The following TNRC6B variants were observed in gnomAD, a reference collection of about 807,000 sequenced individuals.
TNRC6B encodes trinucleotide repeat-containing gene 6B protein.
A neutral mutation model predicts 203.6 loss-of-function variants in TNRC6B; 52 were observed. That is an observed-to-expected ratio of 0.26 (90% CI 0.20 to 0.32). The LOEUF (loss-of-function observed/expected upper bound fraction) is 0.32. TNRC6B is among the 10% of genes least tolerant of loss of function. The pLI is 1.00. For synonymous variants in TNRC6B, 838 were observed against 845.7 expected, an observed-to-expected ratio of 0.99 and a Z score of 0.16; for missense variants, 1,923 against 2,286.2, an observed-to-expected ratio of 0.84 and a Z score of 3.24.
At chr22:40,185,747 T>A (rs140504784) in intron 1 of TNRC6B, among the ~76,000 whole-genome samples, 14 of 152,254 alleles carry the variant, frequency 9.2e-5, no homozygotes, top group Middle Eastern at 3.4e-3. Context: ...AATTTTGATA[T>A]GGCAGTGGTG....
chr22:40,270,477 G>A (rs541391959), intron 6 of TNRC6B, among the ~76,000 whole-genome samples, 197 bp downstream of exon 6: 15 of 151,822 alleles, frequency 9.9e-5, no homozygotes, highest in Admixed American at 1.3e-4. Flanking sequence ...CCGCCACCAC[G>A]CCCGGCTAAT....
At chr22:40,129,048 G>T (rs1304368920) in intron 3 of TNRC6B, among the ~76,000 whole-genome samples, 1 of 152,224 alleles carries the variant, frequency 6.6e-6, no homozygotes, top group African/African-American at 2.4e-5. Context: ...TCTCTGAGAC[G>T]GGGACATTTC....
intron 3 of TNRC6B, among the ~76,000 whole-genome samples, chr22:40,253,917 T>C (rs906005452): frequency 4.6e-5 from 7 of 152,236 alleles, no homozygotes; most frequent in Non-Finnish European, 1.0e-4. Context: ...ACTCTGAATC[T>C]ACCCATCTTT....
upstream of TNRC6B, among the ~76,000 whole-genome samples, chr22:40,176,277 T>G (rs1248470486): frequency 2.0e-5 from 3 of 151,998 alleles, no homozygotes; most frequent in African/African-American, 7.3e-5. Context: ...TACAGGCATG[T>G]GCCACCACGC....
chr22:40,305,168 T>G (rs1488491471), intron 15 of TNRC6B, among the ~76,000 whole-genome samples: 1 of 152,146 alleles, frequency 6.6e-6, no homozygotes, highest in Non-Finnish European at 1.5e-5. Flanking sequence ...CAAAGACGCA[T>G]GAGGCAGGCA....
chr22:40,230,394 A>G (rs894004506), intron 1 of TNRC6B, among the ~76,000 whole-genome samples: 3 of 148,846 alleles, frequency 2.0e-5, no homozygotes, highest in South Asian at 2.1e-4. Flanking sequence ...GGCTCAAGCA[A>G]TTTCTCCTGC....
intron 4 of TNRC6B, among the ~76,000 whole-genome samples, chr22:40,166,770 C>T (rs1165291266): frequency 1.3e-5 from 2 of 151,962 alleles, no homozygotes; most frequent in Non-Finnish European, 2.9e-5. Flanking sequence ...TGGCACACAT[C>T]TGTAATCCCA....
chr22:40,315,427 C>T lies in TNRC6B; in HGVS notation c.4823C>T (p.Pro1608Leu), dbSNP rs1188539943. 2 of 1,613,976 alleles carry T rather than the reference C, an allele frequency of 1.2e-6. No homozygotes were observed. The highest frequency in any genetic ancestry group is 1.7e-6 in the Non-Finnish European group (2 of 1,179,876). The change falls in exon 20 of 23, where the codon CCC (proline) becomes CTC (leucine). Residue 1608 changes from proline (P) to leucine (L), a missense_variant. Transcript: ENST00000454349. ...LPRPPPGLTNPKPSSPWSSTA... is the reference protein window; with the variant it reads ...LPRPPPGLTNLKPSSPWSSTA... Reference sequence around the variant, plus strand: ...CGCCCACCTCCTGGTCTGACCAACCCCAAACCATCATCTCCCTGGAGCAGC... The same window carrying T: ...CGCCCACCTCCTGGTCTGACCAACCTCAAACCATCATCTCCCTGGAGCAGC...
At position 40,331,806 on chromosome 22, in the gene TNRC6B, A is replaced by G; in HGVS notation, c.*8565A>G. The stretch of plus-strand genomic sequence containing the variant: ...GAGTAGCGTTGCATCCTTGTTCTTC[A>G]GTTTCTGTGTCCATGGTGTCCCCGT... On this transcript the variant is annotated 3_prime_UTR_variant, in exon 23 of 23. Transcript: ENST00000454349. 2.7e-6 allele frequency: 1 copy of G among 372,408 alleles called. No homozygotes were observed. The highest frequency in any genetic ancestry group is 4.8e-6 in the Non-Finnish European group (1 of 207,756). 23.1% of individuals were successfully genotyped at this position (372,408 alleles called of 1,614,324 possible). A position where few individuals can be genotyped will look rare whatever the true frequency, so the allele number is the denominator to read the frequency against.
chr22:40,301,900 A>G (rs2071028873), intron 15 of TNRC6B, among the ~76,000 whole-genome samples: 1 of 152,186 alleles, frequency 6.6e-6, no homozygotes, highest in African/African-American at 2.4e-5. Context: ...ACCGCCGGGA[A>G]TTTTTAAAAC....
intron 15 of TNRC6B, among the ~76,000 whole-genome samples, chr22:40,305,517 A>C (rs565758205): frequency 6.6e-6 from 1 of 152,352 alleles, no homozygotes; most frequent in Non-Finnish European, 1.5e-5. Context: ...ACTAGAGCAC[A>C]GTGTCCCAGA....
intron 15 of TNRC6B, among the ~76,000 whole-genome samples, chr22:40,303,167 T>C (rs1393985804): frequency 6.6e-6 from 1 of 151,454 alleles, no homozygotes; most frequent in Admixed American, 6.6e-5. Flanking sequence ...GTAGATGGGA[T>C]TACAGGCACA....
chr22:40,055,418 GAGA>G (rs1377445504), intron 1 of TNRC6B, among the ~76,000 whole-genome samples: 1 of 151,896 alleles, frequency 6.6e-6, no homozygotes, highest in African/African-American at 2.4e-5. Flanking sequence ...TTAGTATGTG[GAGA>G]AGATGACCGG....
rs2043990977 is a variant in TNRC6B at position 40,332,286 on chromosome 22, AG to A, written c.*9046del. The A allele has an allele frequency of 6.6e-6, 1 of 152,488 alleles. No homozygotes were observed. The highest frequency in any genetic ancestry group is 2.4e-5 in the African/African-American group (1 of 41,422). The allele number at this position is 152,488 out of a possible 1,614,324, so 9.4% of individuals were successfully genotyped here. ...AGGGCTGTTGCTTGTCAGGCAAAAAAGTTTTCTCTTCCTACCCACCATCCCT... is the reference window on the plus strand; with the variant it reads ...AGGGCTGTTGCTTGTCAGGCAAAAAATTTTCTCTTCCTACCCACCATCCCT... On this transcript the variant is annotated 3_prime_UTR_variant, in exon 23 of 23. Coordinates refer to ENST00000454349, the MANE Select transcript of TNRC6B (RefSeq NM_001162501.2).
chr22:40,236,231 G>A (rs2146456928), intron 1 of TNRC6B, among the ~76,000 whole-genome samples: 1 of 152,028 alleles, frequency 6.6e-6, no homozygotes, highest in East Asian at 1.9e-4. Context: ...TCACCACAAG[G>A]GTCACTAGTG....
intron 15 of TNRC6B, 24 bp from the exon 16 acceptor site, chr22:40,308,488 A>G: frequency 6.2e-7 from 1 of 1,613,750 alleles, no homozygotes; most frequent in Non-Finnish European, 8.5e-7. Context: ...GGAGACTTAT[A>G]AAATGTGGTC....
At chr22:40,130,322 G>T (rs2068530063) in intron 3 of TNRC6B, among the ~76,000 whole-genome samples, 1 of 152,184 alleles carries the variant, frequency 6.6e-6, no homozygotes, top group Non-Finnish European at 1.5e-5. Context: ...AGGAAAGAAA[G>T]AAAGGAAGTG....
chr22:40,297,322 A>G (rs1382193620), intron 12 of TNRC6B, among the ~76,000 whole-genome samples: 1 of 152,218 alleles, frequency 6.6e-6, no homozygotes, highest in African/African-American at 2.4e-5. Context: ...CCTCAGCTCT[A>G]TCAAGTTCAG....
At chr22:40,106,076 T>G (rs569773123) in intron 1 of TNRC6B, among the ~76,000 whole-genome samples, 5 of 152,106 alleles carry the variant, frequency 3.3e-5, no homozygotes, top group Non-Finnish European at 5.9e-5. Flanking sequence ...TAATTTTGGT[T>G]TTTTTGTCAT....
Sources: allele counts gnomAD v4.1 joint callset (sites outside exome capture counted in the v4.1 genomes callset), GRCh38; gene constraint gnomAD v4.1.1; transcripts MANE v1.5; gene names NCBI Gene and HGNC (gene_info 2026-07-23, HGNC 2026-07-21).